Variants in AQP7 observed in about 807,000 individuals in gnomAD.
The protein encoded by AQP7 is aquaporin-7.
AQP7 carries 22 observed loss-of-function variants against 26.1 expected under a neutral mutation model. The observed-to-expected ratio is 0.84, with a 90% CI of 0.60 to 1.20. AQP7 has a LOEUF of 1.20. AQP7 is among the 50% of genes most tolerant of loss of function. The probability of loss-of-function intolerance (pLI) is 0.00; values close to 1 mark genes in which losing one functional copy is unlikely to be tolerated. For missense variants in AQP7, 412 were observed against 457.5 expected, an observed-to-expected ratio of 0.90 and a Z score of 0.91; for synonymous variants, 167 against 181.7, an observed-to-expected ratio of 0.92 and a Z score of 0.65.
At chr9:33,393,298 A>G (rs1203382426) in intron 3 of AQP7, among the ~76,000 whole-genome samples, 1 of 152,184 alleles carries the variant, frequency 6.6e-6, no homozygotes, top group Non-Finnish European at 1.5e-5. Flanking sequence ...AAGATAACAG[A>G]GCTAGGATTC....
At chr9:33,394,410 C>G (rs1272563936) in intron 3 of AQP7, 1 of 152,404 alleles carries the variant, frequency 6.6e-6, no homozygotes, top group Middle Eastern at 3.4e-3. Context: ...TGCTTGCCAG[C>G]CTTCAACATC....
At chr9:33,395,298 C>T (rs549871542) in intron 2 of AQP7, 103 bp from the exon 3 acceptor site, 6 of 942,650 alleles carry the variant, frequency 6.4e-6, no homozygotes, top group South Asian at 4.3e-5. Context: ...ACCCAGCAGC[C>T]TCGCCCACAC....
chr9:33,402,001 C>T (rs1009841147), intron 1 of AQP7: 2 of 152,440 alleles, frequency 1.3e-5, no homozygotes, highest in African/African-American at 4.8e-5. Context: ...GCTGACCCGT[C>T]TCCTGCCTGC....
At chr9:33,394,977 A>C (rs1290446369) in intron 3 of AQP7, 101 bp downstream of exon 3, 7 of 1,021,306 alleles carry the variant, frequency 6.9e-6, no homozygotes, top group Non-Finnish European at 9.1e-6. Flanking sequence ...CCCAGCTCAG[A>C]GGCAAGGAAT....
intron 2 of AQP7, among the ~76,000 whole-genome samples, chr9:33,399,385 A>C (rs1373834453): frequency 1.3e-5 from 2 of 152,042 alleles, no homozygotes; most frequent in Non-Finnish European, 2.9e-5. Context: ...ACTTGAGGTC[A>C]GGAGTTCAAG....
At chr9:33,389,897 G>A (rs1263182721) in intron 3 of AQP7, among the ~76,000 whole-genome samples, 8 of 151,948 alleles carry the variant, frequency 5.3e-5, no homozygotes, top group Non-Finnish European at 1.0e-4. Context: ...GTGTGGTGGC[G>A]CTTGCCTGTA....
chr9:33,391,101 G>T (rs199910435), intron 3 of AQP7, among the ~76,000 whole-genome samples: 1 of 152,060 alleles, frequency 6.6e-6, no homozygotes, highest in East Asian at 1.9e-4. Context: ...GGTGAGACTC[G>T]GTCTCAAAAT....
At chr9:33,396,312 C>T (rs1214654057) in intron 2 of AQP7, among the ~76,000 whole-genome samples, 1 of 152,092 alleles carries the variant, frequency 6.6e-6, no homozygotes, top group Non-Finnish European at 1.5e-5. Context: ...ATGGCGCATG[C>T]CTGTAATCCC....
At chr9:33,402,077 G>A (rs1470521956) in intron 1 of AQP7, among the ~76,000 whole-genome samples, 1 of 152,124 alleles carries the variant, frequency 6.6e-6, no homozygotes. Flanking sequence ...CCCATGGTCT[G>A]CTGACAGCCC....
chr9:33,392,364 C>A (rs1825487445), intron 3 of AQP7, among the ~76,000 whole-genome samples: 1 of 151,994 alleles, frequency 6.6e-6, no homozygotes, highest in African/African-American at 2.4e-5. Context: ...ACAGTGTGAC[C>A]TTGGGCAAAA....
chr9:33,384,093 G>GC lies in AQP7; in HGVS notation c.*911dup, dbSNP rs1263161966. ...AACCATGGGTGATGCTGCCTTCTGAGCCCCAGGCAACAGAGTGATTCCTGC... is the reference window on the plus strand; with the variant it reads ...AACCATGGGTGATGCTGCCTTCTGAGCCCCCAGGCAACAGAGTGATTCCTGC... On this transcript the variant is annotated 3_prime_UTR_variant, in exon 8 of 8. Transcript: ENST00000297988. 6.6e-6 allele frequency: 1 copy of GC among 152,188 alleles called. No individual in the cohort carries two copies. The highest frequency in any genetic ancestry group is 1.5e-5 in the Non-Finnish European group (1 of 68,038). The allele number at this position is 152,188 out of a possible 1,614,324, so 9.4% of individuals were successfully genotyped here. A position where few individuals can be genotyped will look rare whatever the true frequency, so the allele number is the denominator to read the frequency against.
chr9:33,384,821 T>G lies in AQP7; in HGVS notation c.*184A>C. 1.5e-6 allele frequency: 1 copy of G among 679,118 alleles called. No homozygotes were observed. Among genetic ancestry groups the G allele is most frequent in the East Asian group, 2.6e-5 (1 of 38,432 alleles). 42.1% of individuals were successfully genotyped at this position (679,118 alleles called of 1,614,324 possible). A position where few individuals can be genotyped will look rare whatever the true frequency, so the allele number is the denominator to read the frequency against. Reference sequence around the variant, plus strand: ...CCATTCTCCCCCTGGGGCACCCCAGTTCCCAGGGCATGAAAGACTTGAGGT... The same window carrying G: ...CCATTCTCCCCCTGGGGCACCCCAGGTCCCAGGGCATGAAAGACTTGAGGT... On this transcript the variant is annotated 3_prime_UTR_variant, in exon 8 of 8. Transcript: ENST00000297988.
Position 33,385,705 on chromosome 9 carries a change from C to G in AQP7, c.687G>C (p.Arg229=). The stretch of plus-strand genomic sequence containing the variant: ...AGGTGAAGATGCGGGGGGGCAGGTC[C>G]CGGGACGGGTTGATGGCATATCCTG... ...MNTGYAINPS[R]DLPPRIFTFI... Residue 229 remains arginine, a synonymous_variant, in exon 7 of 8, where the codon CGG becomes CGC. Transcript: ENST00000297988. 1 of 1,613,960 alleles carries G rather than the reference C, an allele frequency of 6.2e-7. No homozygotes were observed.
intron 3 of AQP7, among the ~76,000 whole-genome samples, chr9:33,393,235 A>G (rs1467764260): frequency 6.6e-6 from 1 of 152,208 alleles, no homozygotes; most frequent in African/African-American, 2.4e-5. Context: ...CTCAAAAATA[A>G]GAAAGCTAAA....
At chr9:33,396,674 C>G (rs1825876201) in intron 2 of AQP7, among the ~76,000 whole-genome samples, 1 of 143,970 alleles carries the variant, frequency 6.9e-6, no homozygotes, top group Non-Finnish European at 1.5e-5. Flanking sequence ...TACCCACCAG[C>G]CTTCTTTTCT....
chr9:33,398,391 G>A (rs1295288747), intron 2 of AQP7, among the ~76,000 whole-genome samples: 1 of 152,072 alleles, frequency 6.6e-6, no homozygotes, highest in Non-Finnish European at 1.5e-5. Context: ...CAGGAGAGCT[G>A]CCTCCCCTGT....
chr9:33,395,897 C>T (rs4008637), intron 2 of AQP7, among the ~76,000 whole-genome samples: 7 of 152,134 alleles, frequency 4.6e-5, no homozygotes, highest in South Asian at 2.1e-4. Context: ...CCCAGCACCA[C>T]GCCAGGCACA....
chr9:33,400,760 A>G (rs1056939192), intron 2 of AQP7, among the ~76,000 whole-genome samples: 5 of 151,978 alleles, frequency 3.3e-5, no homozygotes, highest in Admixed American at 1.3e-4. Flanking sequence ...AGCCAAGATC[A>G]TGCCATTGCA....
At position 33,401,250 on chromosome 9, in the gene AQP7, A is replaced by T; in HGVS notation, c.13T>A (p.Ser5Thr). 1.3e-6 allele frequency: 2 copies of T among 1,549,314 alleles called. No individual in the cohort carries two copies. Among genetic ancestry groups the T allele is most frequent in the South Asian group, 1.2e-5 (1 of 83,968 alleles). The change falls in exon 2 of 8, where the codon TCC (serine) becomes ACC (threonine). Residue 5 changes from serine (S) to threonine (T), a missense_variant. By Grantham distance (58) the Ser-to-Thr change is moderately conservative. Transcript: ENST00000297988. MVQASGHRRSTRGSK... is the reference protein window; with the variant it reads MVQATGHRRSTRGSK... ...TGGGGTACTTACCGCCTGTGCCCGG[A>T]TGCTTGAACCATGTTTTGTCTTTCA...
Sources: allele counts gnomAD v4.1 joint callset (sites outside exome capture counted in the v4.1 genomes callset), GRCh38; gene constraint gnomAD v4.1.1; transcripts MANE v1.5; gene names NCBI Gene and HGNC (gene_info 2026-07-23, HGNC 2026-07-21).